COL19A1: variants seen among roughly 807,000 people sequenced by gnomAD.
The protein encoded by COL19A1 is collagen type XIX alpha 1 chain.
A neutral mutation model predicts 190.2 loss-of-function variants in COL19A1; 159 were observed. The ratio of observed to expected loss-of-function variants is 0.84; its 90% CI spans 0.73 to 0.95. COL19A1 has a LOEUF of 0.95. Ranked by LOEUF, COL19A1 falls within the 40% of genes least tolerant of loss-of-function variation. COL19A1 has a pLI of 0.00. For synonymous variants in COL19A1, 509 were observed against 458.9 expected (o/e 1.11, Z -1.39); for missense variants, 1,418 against 1,431.9 (o/e 0.99, Z 0.16).
At chr6:70,091,529 AAC>A (rs1487624628) in intron 15 of COL19A1, among the ~76,000 whole-genome samples, 1 of 146,614 alleles carries the variant, frequency 6.8e-6, no homozygotes, top group Non-Finnish European at 1.5e-5. Context: ...ATCTTATAAA[AAC>A]ACAGCGAAAA....
chr6:70,004,047 G>A (rs1777455813), intron 11 of COL19A1, among the ~76,000 whole-genome samples: 1 of 152,170 alleles, frequency 6.6e-6, no homozygotes. Context: ...TCTTTCAGGA[G>A]CTCTTGCAAG....
chr6:69,986,095 T>C (rs1228859280), intron 11 of COL19A1, among the ~76,000 whole-genome samples: 1 of 151,878 alleles, frequency 6.6e-6, no homozygotes, highest in Non-Finnish European at 1.5e-5. Context: ...AGTAAGACAG[T>C]CTACAAAGTC....
At chr6:70,026,551 T>C (rs917498697) in intron 12 of COL19A1, among the ~76,000 whole-genome samples, 1 of 152,214 alleles carries the variant, frequency 6.6e-6, no homozygotes, top group Non-Finnish European at 1.5e-5. Flanking sequence ...TGTTATTTTT[T>C]CCCCTTAATT....
At chr6:70,121,558 T>A (rs1221178146) in intron 16 of COL19A1, among the ~76,000 whole-genome samples, 2 of 152,134 alleles carry the variant, frequency 1.3e-5, no homozygotes, top group Non-Finnish European at 2.9e-5. Flanking sequence ...AACTGAAGAG[T>A]TATACCCTCT....
At chr6:69,873,179 G>T (rs1767939383) in intron 1 of COL19A1, among the ~76,000 whole-genome samples, 1 of 151,972 alleles carries the variant, frequency 6.6e-6, no homozygotes, top group South Asian at 2.1e-4. Context: ...AGTTTACAGA[G>T]CTAAGGGGAC....
chr6:70,135,103 G>A (rs1420644464), intron 18 of COL19A1, among the ~76,000 whole-genome samples: 1 of 152,110 alleles, frequency 6.6e-6, no homozygotes, highest in East Asian at 1.9e-4. Flanking sequence ...TTATTATAAA[G>A]GATGTTACAA....
At chr6:69,963,774 G>C (rs190918403) in intron 11 of COL19A1, among the ~76,000 whole-genome samples, 1 of 152,110 alleles carries the variant, frequency 6.6e-6, no homozygotes, top group East Asian at 1.9e-4. Flanking sequence ...TAAATTCTGG[G>C]TGCTTAATTT....
rs777753694 is a variant in COL19A1, at chr6:70,102,211, C to A, written c.1267C>A (p.Pro423Thr). 6.8e-6 allele frequency: 11 copies of A among 1,612,178 alleles called. No individual in the cohort carries two copies. In the African/African-American group the frequency reaches 1.5e-4, roughly 22 times the overall value. The change falls in exon 16 of 51, where the codon CCA becomes ACA. Residue 423 changes from proline to threonine, a missense_variant. Physicochemically the swap from Pro to Thr is conservative, Grantham distance 38. Transcript: ENST00000620364. Reference protein sequence around the residue: ...KTGPPGKPGPPGPPGPPGIQG... With the variant: ...KTGPPGKPGPTGPPGPPGIQG... The stretch of plus-strand genomic sequence containing the variant: ...AGGACCTCCCGGAAAACCAGGACCC[C>A]CAGGACCACCTGTGAGTAAACAATA...
intron 10 of COL19A1, among the ~76,000 whole-genome samples, chr6:69,960,327 T>A (rs188601040): frequency 1.3e-4 from 20 of 152,352 alleles, no homozygotes; most frequent in Admixed American, 1.3e-3. Flanking sequence ...ACGTTTCTGC[T>A]TTTATTAGTC....
At chr6:70,135,966 C>T (rs544956649) in intron 18 of COL19A1, among the ~76,000 whole-genome samples, 68 of 152,192 alleles carry the variant, frequency 4.5e-4, no homozygotes, top group African/African-American at 1.5e-3. Context: ...TTCTGTTATG[C>T]GTGCCTAGGC....
intron 12 of COL19A1, among the ~76,000 whole-genome samples, chr6:70,030,922 C>T (rs996233868): frequency 6.6e-6 from 1 of 152,182 alleles, no homozygotes; most frequent in Admixed American, 6.5e-5. Flanking sequence ...GTCATAGCCC[C>T]TTTTATGCTC....
At chr6:70,020,927 A>G (rs1001339208) in intron 11 of COL19A1, among the ~76,000 whole-genome samples, 1 of 152,026 alleles carries the variant, frequency 6.6e-6, no homozygotes, top group African/African-American at 2.4e-5. Context: ...CAATAGTAAT[A>G]TTTTCCAGCC....
chr6:69,928,644 T>A (rs1772552048), intron 5 of COL19A1, among the ~76,000 whole-genome samples: 1 of 152,014 alleles, frequency 6.6e-6, no homozygotes, highest in Admixed American at 6.6e-5. Context: ...GTGTTGGGTG[T>A]GGACAATGGG....
chr6:69,940,077 A>AG (rs1251038577), intron 9 of COL19A1, among the ~76,000 whole-genome samples: 2 of 152,038 alleles, frequency 1.3e-5, no homozygotes, highest in Non-Finnish European at 2.9e-5. Flanking sequence ...GCCCACTGAA[A>AG]AAAAAAAATC....
At chr6:69,926,390 A>G (rs953593887) in intron 4 of COL19A1, among the ~76,000 whole-genome samples, 1 of 152,008 alleles carries the variant, frequency 6.6e-6, no homozygotes, top group African/African-American at 2.4e-5. Flanking sequence ...AGGAAACTGT[A>G]ATGAACTAAA....
rs1016529324 is a variant in COL19A1, at chr6:70,168,532, G to A, written c.2542-123G>A. ...TCATCTTATTCTTCAAATTCAAACTGTAATTAAAGCAAAACTTGCTAATAT... is the reference window on the plus strand; with the variant it reads ...TCATCTTATTCTTCAAATTCAAACTATAATTAAAGCAAAACTTGCTAATAT... On this transcript the variant is annotated intron_variant, in intron 39 of 50. Coordinates refer to ENST00000620364, the MANE Select transcript of COL19A1 (RefSeq NM_001858.6). 7.5e-6 allele frequency: 6 copies of A among 804,130 alleles called. No homozygotes were observed. In the African/African-American group the frequency reaches 1.1e-4, roughly 14 times the overall value. The allele number at this position is 804,130 out of a possible 1,614,324, so 49.8% of individuals were successfully genotyped here. A position where few individuals can be genotyped will look rare whatever the true frequency, so the allele number is the denominator to read the frequency against.
chr6:69,878,186 A>T (rs1403106031), intron 1 of COL19A1, among the ~76,000 whole-genome samples: 4 of 147,228 alleles, frequency 2.7e-5, no homozygotes, highest in Non-Finnish European at 4.5e-5. Flanking sequence ...TAGGATAGTA[A>T]TTATATATAT....
intron 7 of COL19A1, among the ~76,000 whole-genome samples, chr6:69,935,673 T>A (rs560129413): frequency 6.6e-6 from 1 of 152,002 alleles, no homozygotes; most frequent in Admixed American, 6.6e-5. Context: ...ACAGTTTTTA[T>A]TGTAATTATC....
At chr6:69,916,076 A>G (rs981405237) in intron 4 of COL19A1, among the ~76,000 whole-genome samples, 4 of 151,766 alleles carry the variant, frequency 2.6e-5, no homozygotes, top group East Asian at 1.9e-4. Flanking sequence ...AGCTGGGACT[A>G]CAGGCATCTG....
Sources: gnomAD v4.1 joint callset for allele counts (sites outside exome capture counted in the v4.1 genomes callset) on GRCh38, gnomAD v4.1.1 for gene constraint, MANE v1.5 for transcripts, NCBI Gene and HGNC (gene_info 2026-07-23, HGNC 2026-07-21) for gene names.